The following CLOCK variants were observed in gnomAD, a reference collection of about 807,000 sequenced individuals.
CLOCK encodes circadian locomoter output cycles protein kaput.
CLOCK carries 43 observed loss-of-function variants against 118.4 expected under a neutral mutation model. The ratio of observed to expected loss-of-function variants is 0.36; its 90% confidence interval spans 0.28 to 0.47. The LOEUF (loss-of-function observed/expected upper bound fraction) is 0.47, where lower values mean the gene tolerates loss of function less well. Ranked by LOEUF, CLOCK falls within the 20% of genes least tolerant of loss-of-function variation. CLOCK has a pLI of 1.00. For missense variants in CLOCK, 846 were observed against 999.9 expected (o/e 0.85, Z 2.08); for synonymous variants, 326 against 339.2 (o/e 0.96, Z 0.43).
At position 55,442,422 on chromosome 4, in the gene CLOCK, T is replaced by C. The variant is rs763558900; in HGVS notation, c.2105+10A>G. 1.1e-5 allele frequency: 17 copies of C among 1,604,042 alleles called. No individual in the cohort carries two copies. Among genetic ancestry groups the C allele is most frequent in the Non-Finnish European group, 1.4e-5 (16 of 1,172,638 alleles). On this transcript the variant is annotated intron_variant, in intron 21 of 22. Coordinates refer to ENST00000513440, the MANE Select transcript of CLOCK (RefSeq NM_004898.4). ...AATTTTAAAAATAACAAATGAAATATGACAACTACCTTATCTGCCTGTCCT... is the reference window on the plus strand; with the variant it reads ...AATTTTAAAAATAACAAATGAAATACGACAACTACCTTATCTGCCTGTCCT...
intron 1 of CLOCK, among the ~76,000 whole-genome samples, chr4:55,518,684 T>G (rs1421891913): frequency 1.3e-5 from 2 of 152,200 alleles, no homozygotes; most frequent in Non-Finnish European, 2.9e-5. Flanking sequence ...TTCCATCATG[T>G]GAGGACACAG....
At chr4:55,512,345 C>A (rs1254190619) in intron 1 of CLOCK, among the ~76,000 whole-genome samples, 1 of 151,866 alleles carries the variant, frequency 6.6e-6, no homozygotes, top group African/African-American at 2.4e-5. Context: ...TATAGTGCAT[C>A]TTTTCACATG....
rs1724595086 is a variant in CLOCK, at chr4:55,452,924, TATAA to T, written c.1206+126_1206+129del. 6 of 688,380 alleles carry T rather than the reference TATAA, an allele frequency of 8.7e-6. No homozygotes were observed. The East Asian group carries it at 1.7e-4, about 20-fold the overall frequency. The allele number at this position is 688,380 out of a possible 1,614,324, so 42.6% of individuals were successfully genotyped here. On this transcript the variant is annotated intron_variant, in intron 15 of 22. Coordinates refer to ENST00000513440, the MANE Select transcript of CLOCK (RefSeq NM_004898.4). The stretch of plus-strand genomic sequence containing the variant: ...ATTAAATTAAAAATAAGTAGTAAAG[TATAA>T]TCACATCCCCGTTATAAGTGAGGAA...
chr4:55,437,860 A>G (rs573347315), intron 22 of CLOCK, among the ~76,000 whole-genome samples: 1 of 152,348 alleles, frequency 6.6e-6, no homozygotes, highest in East Asian at 1.9e-4. Flanking sequence ...AAAAATTATA[A>G]TAAGATTGAA....
At chr4:55,508,084 C>T (rs1728921724) in intron 2 of CLOCK, among the ~76,000 whole-genome samples, 5 of 152,190 alleles carry the variant, frequency 3.3e-5, no homozygotes, top group Admixed American at 3.3e-4. Flanking sequence ...TAATATAGTA[C>T]TTAACCTGCC....
intron 2 of CLOCK, among the ~76,000 whole-genome samples, chr4:55,497,658 AAAT>A (rs1237053628): frequency 1.3e-5 from 2 of 152,238 alleles, no homozygotes; most frequent in African/African-American, 4.8e-5. Flanking sequence ...GGGAATTGGA[AAAT>A]AATGTGTATG....
In CLOCK at chr4:55,446,992, G is replaced by A. The variant is rs552472486; in HGVS notation, c.1539+1787C>T. 3.3e-5 allele frequency among the ~76,000 whole-genome samples: 5 copies of A among 151,832 alleles called. No homozygotes were observed. In the East Asian group the frequency reaches 5.8e-4, roughly 18 times the overall value. ...AACCAGACCATATCATATGTTAAAC[G>A]TGGTTGAGAAAATATTAAAAATTTA... On this transcript the variant is annotated intron_variant, in intron 18 of 22. Transcript: ENST00000513440.
intron 21 of CLOCK, 104 bp from the exon 22 acceptor site, chr4:55,438,641 G>C (rs1723092067): frequency 6.5e-7 from 1 of 1,548,036 alleles, no homozygotes; most frequent in Non-Finnish European, 8.8e-7. Context: ...CAATGACATT[G>C]CCAGTTTGTT....
At chr4:55,465,769 T>A (rs778563843) in intron 8 of CLOCK, among the ~76,000 whole-genome samples, 4 of 152,022 alleles carry the variant, frequency 2.6e-5, no homozygotes, top group African/African-American at 7.2e-5. Flanking sequence ...CTGGCTAACA[T>A]GGAGAAACCT....
intron 1 of CLOCK, among the ~76,000 whole-genome samples, chr4:55,516,562 T>A (rs1729528353): frequency 1.3e-5 from 2 of 152,226 alleles, no homozygotes; most frequent in African/African-American, 2.4e-5. Flanking sequence ...TTTTTCTCCA[T>A]CCATTTTCTT....
At chr4:55,512,910 T>C (rs1729257539) in intron 1 of CLOCK, among the ~76,000 whole-genome samples, 4 of 152,188 alleles carry the variant, frequency 2.6e-5, no homozygotes, top group Admixed American at 2.6e-4. Flanking sequence ...AGACCGTATA[T>C]ATGACAGTGG....
intron 8 of CLOCK, among the ~76,000 whole-genome samples, chr4:55,468,467 C>A (rs1264371635): frequency 1.3e-5 from 2 of 152,172 alleles, no homozygotes; most frequent in Non-Finnish European, 2.9e-5. Context: ...CAGGTATTCA[C>A]CATCCTAATG....
At chr4:55,543,705 G>A (rs1409362805) in intron 1 of CLOCK, among the ~76,000 whole-genome samples, 4 of 151,910 alleles carry the variant, frequency 2.6e-5, no homozygotes, top group Non-Finnish European at 4.4e-5. Flanking sequence ...TTGAACCTGG[G>A]AGCCGGAGGT....
chr4:55,534,047 G>T (rs951408306), intron 1 of CLOCK, among the ~76,000 whole-genome samples: 1 of 152,148 alleles, frequency 6.6e-6, no homozygotes, highest in Non-Finnish European at 1.5e-5. Context: ...AAACATTAAT[G>T]TATAAAGAAC....
At chr4:55,502,509 A>C (rs1213311803) in intron 2 of CLOCK, among the ~76,000 whole-genome samples, 1 of 152,198 alleles carries the variant, frequency 6.6e-6, no homozygotes, top group Non-Finnish European at 1.5e-5. Context: ...CACACGGAAA[A>C]TAAAATGAAC....
At chr4:55,445,341 T>C (rs1723721444) in intron 18 of CLOCK, among the ~76,000 whole-genome samples, 1 of 152,146 alleles carries the variant, frequency 6.6e-6, no homozygotes, top group African/African-American at 2.4e-5. Flanking sequence ...CTGCAAGCTT[T>C]ACCAGTACCC....
chr4:55,492,372 C>A (rs1727767686), intron 2 of CLOCK, among the ~76,000 whole-genome samples: 1 of 103,730 alleles, frequency 9.6e-6, no homozygotes, highest in Non-Finnish European at 2.1e-5. Context: ...AAAAAAAACG[C>A]CATTCAACAA....
chr4:55,510,097 C>T (rs2110022149), intron 1 of CLOCK, 32 bp from the exon 2 acceptor site: 1 of 152,264 alleles, frequency 6.6e-6, no homozygotes, highest in Non-Finnish European at 1.5e-5. Flanking sequence ...TGAAATAATG[C>T]TAACCAATTT....
At chr4:55,512,857 G>C (rs181410855) in intron 1 of CLOCK, among the ~76,000 whole-genome samples, 1 of 152,210 alleles carries the variant, frequency 6.6e-6, no homozygotes, top group Admixed American at 6.5e-5. Context: ...TGAACCATTA[G>C]TTGACTATGC....
Sources: allele counts gnomAD v4.1 joint callset (sites outside exome capture counted in the v4.1 genomes callset), GRCh38; gene constraint gnomAD v4.1.1; transcripts MANE v1.5; gene names NCBI Gene and HGNC (gene_info 2026-07-23, HGNC 2026-07-21).